LIN37: variants seen among roughly 807,000 people sequenced by gnomAD.
LIN37 encodes the protein protein lin-37 homolog.
Under a neutral mutation model 38.0 loss-of-function variants are expected in LIN37, and 21 were observed. The ratio of observed to expected loss-of-function variants is 0.55; its 90% confidence interval spans 0.39 to 0.80. The LOEUF is 0.80. Ranked by LOEUF, LIN37 falls within the 30% of genes least tolerant of loss-of-function variation. The pLI is 0.00. For missense variants in LIN37, 273 were observed against 338.5 expected, an observed-to-expected ratio of 0.81 and a Z score of 1.52; for synonymous variants, 126 against 122.9, an observed-to-expected ratio of 1.03 and a Z score of -0.17.
chr19:35,748,611 C>T lies in LIN37; in HGVS notation c.-114C>T. 2 of 1,438,860 alleles carry T rather than the reference C, an allele frequency of 1.4e-6. No individual in the cohort carries two copies. 89.1% of individuals were successfully genotyped at this position (1,438,860 alleles called of 1,614,324 possible). A position where few individuals can be genotyped will look rare whatever the true frequency, so the allele number is the denominator to read the frequency against. ...CTGGACACAACCAAAGGCGGAGGAC[C>T]CGTGGCCCACGAAGCTCATCTTTGA... On this transcript the variant is annotated 5_prime_UTR_variant, in exon 1 of 9. Transcript: ENST00000301159.
rs777002988 is a variant in LIN37 at position 35,754,491 on chromosome 19, C to T, written c.*17C>T. ...CGACAGTGATGTTCCCAGGTCCCCC[C>T]ACACCAGTAAACATCCCCCAGCTCC... On this transcript the variant is annotated 3_prime_UTR_variant, in exon 9 of 9. Transcript: ENST00000301159. 1.2e-6 allele frequency: 2 copies of T among 1,611,252 alleles called. No homozygotes were observed. Among genetic ancestry groups the T allele is most frequent in the Non-Finnish European group, 1.7e-6 (2 of 1,177,600 alleles).
Position 35,752,189 on chromosome 19 carries a change from C to T in LIN37, c.48C>T (p.Ala16=). The T allele has an allele frequency of 6.2e-7, 1 of 1,602,216 alleles. No individual in the cohort carries two copies. The highest frequency in any genetic ancestry group is 8.5e-7 in the Non-Finnish European group (1 of 1,174,606). ...VKVEKSELEM[A]KARNQLDAVL... is the part of the protein sequence containing the mutation. ...CTCTTGCCCCAGAGCTGGAGATGGC[C>T]AAAGCCCGGAACCAACTGGATGCTG... Residue 16 remains alanine, a synonymous_variant, in exon 2 of 9, where the codon GCC becomes GCT. Coordinates refer to ENST00000301159, the MANE Select transcript of LIN37 (RefSeq NM_019104.3).
rs967842716 is a variant in LIN37 at position 35,752,579 on chromosome 19, A to G, written c.161+95A>G. ...GACCGCTCAGCCCAGCGCTACCTCC[A>G]TCGTGGCCCGGACCACTCCACCTGT... is the stretch of plus-strand genomic sequence containing the variant. On this transcript the variant is annotated intron_variant, in intron 3 of 8. Coordinates refer to ENST00000301159, the MANE Select transcript of LIN37 (RefSeq NM_019104.3). The G allele has an allele frequency of 4.3e-6, 6 of 1,402,900 alleles. No homozygotes were observed. The African/African-American group carries it at 8.5e-5, about 20-fold the overall frequency. The allele number at this position is 1,402,900 out of a possible 1,614,324, so 86.9% of individuals were successfully genotyped here.
Position 35,752,416 on chromosome 19 carries a change from G to A in LIN37, c.111-18G>A. The A allele has an allele frequency of 6.2e-7, 1 of 1,613,896 alleles. No homozygotes were observed. Among genetic ancestry groups the A allele is most frequent in the Non-Finnish European group, 8.5e-7 (1 of 1,179,780 alleles). On this transcript the variant is annotated intron_variant, in intron 2 of 8. Transcript: ENST00000301159. ...GGGGCCCTGGAACCCTGAGCTGAGA[G>A]ATCTCTTCTGCCTCTAGGGAGCGTC... is the stretch of plus-strand genomic sequence containing the variant.
chr19:35,752,479 C>T lies in LIN37; in HGVS notation c.156C>T (p.His52=), dbSNP rs1459497750. Residue 52 remains histidine (H), a synonymous_variant, in exon 3 of 9, where the codon CAC becomes CAT. Transcript: ENST00000301159. The part of the protein sequence containing the change: ...EEAGKTPSDT[H]NKDCSIAATG... ...CTGGGAAAACACCCTCAGACACCCACAATAAGTGAGTTTTTCTGATTGGAT... is the reference window on the plus strand; with the variant it reads ...CTGGGAAAACACCCTCAGACACCCATAATAAGTGAGTTTTTCTGATTGGAT... 3 of 1,613,828 alleles carry T rather than the reference C, an allele frequency of 1.9e-6. No individual in the cohort carries two copies. The highest frequency in any genetic ancestry group is 2.2e-5 in the East Asian group (1 of 44,894).
intron 1 of LIN37, among the ~76,000 whole-genome samples, chr19:35,750,718 T>G (rs1243476576): frequency 6.6e-6 from 1 of 152,126 alleles, no homozygotes; most frequent in East Asian, 1.9e-4. Context: ...ATCCAGCACT[T>G]TGGGAGGCTG....
chr19:35,748,723 C>G lies in LIN37; in HGVS notation c.-2C>G, dbSNP rs776360125. On this transcript the variant is annotated 5_prime_UTR_variant, in exon 1 of 9. Transcript: ENST00000301159. ...CAGCTAGCCAGATCCCGGACCCAAACCATGTTCCCTGTGAAGGTGAAAGTG... is the reference window on the plus strand; with the variant it reads ...CAGCTAGCCAGATCCCGGACCCAAAGCATGTTCCCTGTGAAGGTGAAAGTG... 5.5e-5 allele frequency: 88 copies of G among 1,613,828 alleles called. 1 individual carries two copies. In the South Asian group the frequency reaches 9.4e-4, roughly 17 times the overall value.
In LIN37 at chr19:35,753,212, T is replaced by C; in HGVS notation, c.403T>C (p.Ser135Pro). Residue 135 changes from serine (S) to proline (P), a missense_variant, in exon 6 of 9, where the codon TCT (serine) becomes CCT (proline). Ser to Pro is a moderately conservative substitution (Grantham distance 74). Transcript: ENST00000301159. ...CCCCTCTGTGCGCGAGCGTGAATGC[T>C]CTCCCAGCTCACCCCTGCCCCCGCT... ...NSPSVRERECSPSSPLPPLPE... is the reference protein window; with the variant it reads ...NSPSVRERECPPSSPLPPLPE... The C allele has an allele frequency of 6.4e-7, 1 of 1,560,400 alleles. No individual in the cohort carries two copies. The highest frequency in any genetic ancestry group is 8.7e-7 in the Non-Finnish European group (1 of 1,152,736).
chr19:35,748,872 C>T, intron 1 of LIN37, 114 bp downstream of exon 1: 1 of 1,596,046 alleles, frequency 6.3e-7, no homozygotes, highest in Non-Finnish European at 8.6e-7. Flanking sequence ...CTGAAGCCCA[C>T]CTGACAATCG....
At chr19:35,753,938 G>T in intron 6 of LIN37, 79 bp from the exon 7 acceptor site, 3 of 1,523,720 alleles carry the variant, frequency 2.0e-6, no homozygotes, top group Non-Finnish European at 2.7e-6. Context: ...TGCTGGGAAA[G>T]GCAGGAGGGA....
chr19:35,754,240 A>G lies in LIN37; in HGVS notation c.586-6A>G. ...GCCACTCAACCTGGCCTGTCTGTCC[A>G]TGCAGCCCTCTGAGCCCGAGCCCTC... On this transcript the variant is annotated splice_region_variant and splice_polypyrimidine_tract_variant and intron_variant, in intron 7 of 8. Transcript: ENST00000301159. The G allele has an allele frequency of 6.2e-7, 1 of 1,614,004 alleles. No individual in the cohort carries two copies. The highest frequency in any genetic ancestry group is 2.2e-5 in the East Asian group (1 of 44,890).
At chr19:35,753,043 C>A in intron 5 of LIN37, 44 bp downstream of exon 5, 2 of 1,586,412 alleles carry the variant, frequency 1.3e-6, no homozygotes, top group Non-Finnish European at 1.7e-6. Flanking sequence ...GAGCCAAGGG[C>A]CTATGCAAGG....
intron 1 of LIN37, among the ~76,000 whole-genome samples, chr19:35,750,484 G>A (rs1970666291): frequency 6.6e-6 from 1 of 152,206 alleles, no homozygotes. Context: ...ACTAGAGCCA[G>A]AGCTCCCACC....
At position 35,752,459 on chromosome 19, in the gene LIN37, A is replaced by C; in HGVS notation, c.136A>C (p.Lys46Gln). Residue 46 changes from lysine (K) to glutamine (Q), a missense_variant, in exon 3 of 9, where the codon AAA becomes CAA. Transcript: ENST00000301159. ...GGAGCGTCTGGATGAGGAAGCTGGG[A>C]AAACACCCTCAGACACCCACAATAA... ...DRERLDEEAG[K>Q]TPSDTHNKDC... is the part of the protein sequence containing the mutation. The C allele has an allele frequency of 6.2e-7, 1 of 1,613,904 alleles. No individual in the cohort carries two copies. Among genetic ancestry groups the C allele is most frequent in the Non-Finnish European group, 8.5e-7 (1 of 1,179,836 alleles).
At chr19:35,751,969 A>G in intron 1 of LIN37, 1 of 511,990 alleles carries the variant, frequency 2.0e-6, no homozygotes, top group Non-Finnish European at 3.5e-6. Context: ...ACCTCCTGTC[A>G]CAGAGCAATC....
intron 5 of LIN37, 28 bp from the exon 6 acceptor site, chr19:35,753,059 C>T: frequency 6.3e-7 from 1 of 1,596,404 alleles, no homozygotes; most frequent in Non-Finnish European, 8.5e-7. Flanking sequence ...CAAGGATGCT[C>T]ACACACCTCC....
At chr19:35,748,808 TGTGGAGTCCCG>T in intron 1 of LIN37, 50 bp downstream of exon 1, 1 of 1,613,066 alleles carries the variant, frequency 6.2e-7, no homozygotes, top group South Asian at 1.1e-5. Context: ...GTTGACAGGG[TGTGGAGTCCCG>T]GTGGAAGGGA....
At position 35,752,495 on chromosome 19, in the gene LIN37, C is replaced by A; in HGVS notation, c.161+11C>A. 1.2e-6 allele frequency: 2 copies of A among 1,613,902 alleles called. No individual in the cohort carries two copies. The highest frequency in any genetic ancestry group is 1.1e-5 in the South Asian group (1 of 91,082). ...AGACACCCACAATAAGTGAGTTTTTCTGATTGGATTTGGAGTTGAGAGTTC... is the reference window on the plus strand; with the variant it reads ...AGACACCCACAATAAGTGAGTTTTTATGATTGGATTTGGAGTTGAGAGTTC... On this transcript the variant is annotated intron_variant, in intron 3 of 8. Coordinates refer to ENST00000301159, the MANE Select transcript of LIN37 (RefSeq NM_019104.3).
chr19:35,753,729 G>T (rs1201564966), intron 6 of LIN37: 2 of 549,062 alleles, frequency 3.6e-6, no homozygotes, highest in Admixed American at 3.2e-5. Context: ...TGGCACAGAC[G>T]TGACCCCCTA....
Sources: allele counts gnomAD v4.1 joint callset (sites outside exome capture counted in the v4.1 genomes callset), GRCh38; gene constraint gnomAD v4.1.1; transcripts MANE v1.5; gene names NCBI Gene and HGNC (gene_info 2026-07-23, HGNC 2026-07-21).